The following CENPP variants were observed in gnomAD, a reference collection of about 807,000 sequenced individuals.
CENPP encodes centromere protein P.
Under a neutral mutation model 35.6 loss-of-function variants are expected in CENPP, and 24 were observed. That is an observed-to-expected ratio of 0.67 (90% confidence interval 0.49 to 0.95). CENPP has a LOEUF of 0.95. Among genes scored for constraint, CENPP ranks in the 40% least tolerant of loss-of-function variants. The pLI, the probability that CENPP is intolerant of heterozygous loss-of-function variation, is 0.00. For synonymous variants in CENPP, 120 were observed against 125.5 expected (o/e 0.96, Z 0.29); for missense variants, 332 against 345.3 (o/e 0.96, Z 0.31).
chr9:92,512,675 G>A (rs555427598), intron 5 of CENPP, among the ~76,000 whole-genome samples: 218 of 152,270 alleles, frequency 1.4e-3, no homozygotes, highest in African/African-American at 4.8e-3. Context: ...AAAGGTTCCT[G>A]TATGCTTTAA....
intron 4 of CENPP, among the ~76,000 whole-genome samples, chr9:92,372,827 T>G (rs1039659897): frequency 6.6e-6 from 1 of 152,202 alleles, no homozygotes; most frequent in African/African-American, 2.4e-5. Context: ...TTTCTTTTTT[T>G]TTTTGATAGG....
intron 5 of CENPP, chr9:92,501,016 A>G: frequency 6.2e-7 from 1 of 1,614,196 alleles, no homozygotes; most frequent in Non-Finnish European, 8.5e-7. Flanking sequence ...GGGACGTGAT[A>G]GAGCTTGTTG....
chr9:92,389,400 A>G (rs1842575742), intron 5 of CENPP, among the ~76,000 whole-genome samples: 1 of 152,234 alleles, frequency 6.6e-6, no homozygotes, highest in African/African-American at 2.4e-5. Flanking sequence ...ATCTCCCTAT[A>G]GAATTTCACA....
At chr9:92,605,421 T>C (rs753513748) in intron 5 of CENPP, among the ~76,000 whole-genome samples, 24 of 151,982 alleles carry the variant, frequency 1.6e-4, no homozygotes, top group Admixed American at 5.9e-4. Flanking sequence ...GAGTCTAGGG[T>C]AAATTTTGCC....
chr9:92,495,696 A>C (rs1170305654), intron 5 of CENPP: 1 of 891,282 alleles, frequency 1.1e-6, no homozygotes, highest in Non-Finnish European at 1.3e-6. Context: ...TAATGTTAAC[A>C]ATGTACATAA....
In CENPP at chr9:92,441,683, G is replaced by C. The variant is rs151067463; in HGVS notation, c.564+61824G>C. Among the ~76,000 whole-genome samples the C allele has an allele frequency of 2.3e-3, 350 of 152,222 alleles. 1 individual carries two copies. The highest frequency in any genetic ancestry group is 6.8e-3 in the Middle Eastern group (2 of 294). ...CTGAGGCACGAGAGTCACTTCAACC[G>C]TGGAGGTGGAGGTTGCAGTGAGCCG... On this transcript the variant is annotated intron_variant, in intron 5 of 7. Transcript: ENST00000375587.
In CENPP at chr9:92,476,464, CTTTA is replaced by C. The variant is rs1329875741; in HGVS notation, c.564+96610_564+96613del. On this transcript the variant is annotated intron_variant, in intron 5 of 7. Coordinates refer to ENST00000375587, the MANE Select transcript of CENPP (RefSeq NM_001012267.3). The surrounding 1 kb of genome is among the most constrained non-coding windows in gnomAD (Gnocchi z 4.1). ...TCATTAGTTATTAACCTGATAATTA[CTTTA>C]TTTAATTTCTCATATGCTCCAAAAA... Among the ~76,000 whole-genome samples, 8 of 152,116 alleles carry C rather than the reference CTTTA, an allele frequency of 5.3e-5. No homozygotes were observed. Among genetic ancestry groups the C allele is most frequent in the Non-Finnish European group, 8.8e-5 (6 of 68,016 alleles).
intron 5 of CENPP, among the ~76,000 whole-genome samples, chr9:92,394,016 A>G (rs1263295439): frequency 1.3e-5 from 2 of 152,160 alleles, no homozygotes; most frequent in Non-Finnish European, 2.9e-5. Context: ...CTTCATAACA[A>G]GTAATTCTGG....
chr9:92,431,976 TAC>T (rs1455386625), intron 5 of CENPP, among the ~76,000 whole-genome samples: 2 of 152,230 alleles, frequency 1.3e-5, no homozygotes, highest in South Asian at 2.1e-4. Flanking sequence ...GACTGTGTGT[TAC>T]AGTTTTTCAG....
intron 4 of CENPP, among the ~76,000 whole-genome samples, chr9:92,357,408 AT>A (rs1367082847): frequency 1.3e-5 from 2 of 150,084 alleles, no homozygotes; most frequent in African/African-American, 4.9e-5. Context: ...CACTTTTTTT[AT>A]TTTTTGTTTT....
chr9:92,420,179 T>C (rs1194786041), intron 5 of CENPP, among the ~76,000 whole-genome samples: 11 of 152,156 alleles, frequency 7.2e-5, no homozygotes, highest in African/African-American at 2.4e-4. Flanking sequence ...TATTCCGCAC[T>C]CAGACCACTA....
intron 5 of CENPP, among the ~76,000 whole-genome samples, chr9:92,547,664 A>T (rs1849500848): frequency 6.6e-6 from 1 of 152,232 alleles, no homozygotes. Flanking sequence ...GGGGGTAAGA[A>T]GATAGGGAAT....
At chr9:92,572,772 G>A (rs1362184394) in intron 5 of CENPP, among the ~76,000 whole-genome samples, 1 of 152,132 alleles carries the variant, frequency 6.6e-6, no homozygotes, top group Non-Finnish European at 1.5e-5. Flanking sequence ...ATATTTCTTG[G>A]AGGCTTTGTT....
chr9:92,542,395 G>A (rs965091067), intron 5 of CENPP, among the ~76,000 whole-genome samples: 2 of 151,752 alleles, frequency 1.3e-5, no homozygotes, highest in African/African-American at 4.8e-5. Flanking sequence ...TTAATTTGAT[G>A]TAATCTCATT....
intron 5 of CENPP, among the ~76,000 whole-genome samples, chr9:92,386,909 G>A (rs1261039892): frequency 1.3e-5 from 2 of 151,798 alleles, no homozygotes; most frequent in Admixed American, 6.6e-5. Context: ...TTAGACAGGC[G>A]TGGTGGTGGG....
chr9:92,533,328 A>AAAAAAATATAT (rs1554683138), intron 5 of CENPP, among the ~76,000 whole-genome samples: 1 of 38,338 alleles, frequency 2.6e-5, no homozygotes, highest in African/African-American at 1.5e-4. Flanking sequence ...AAAAAAAAAA[A>AAAAAAATATAT]ATATATATAT....
intron 5 of CENPP, chr9:92,415,036 C>T: frequency 1.3e-6 from 1 of 758,040 alleles, no homozygotes; most frequent in East Asian, 2.9e-5. Flanking sequence ...CAATTCTGAT[C>T]TTATACTAAT....
chr9:92,606,043 T>C (rs1851070873), intron 5 of CENPP, among the ~76,000 whole-genome samples: 7 of 152,112 alleles, frequency 4.6e-5, no homozygotes, highest in Admixed American at 4.6e-4. Flanking sequence ...GGCAGATCCC[T>C]TGAGCCCAAG....
At chr9:92,474,712 T>C in intron 5 of CENPP, 1 of 1,613,668 alleles carries the variant, frequency 6.2e-7, no homozygotes, top group Non-Finnish European at 8.5e-7. Flanking sequence ...AATGGCTTCT[T>C]GGCTCTCTTG....
Sources: allele counts gnomAD v4.1 joint callset (sites outside exome capture counted in the v4.1 genomes callset), GRCh38; gene constraint gnomAD v4.1.1; non-coding constraint Gnocchi (gnomAD v3.1); transcripts MANE v1.5; gene names NCBI Gene and HGNC (gene_info 2026-07-23, HGNC 2026-07-21).